Variants in DGKI observed in about 807,000 individuals in gnomAD.
DGKI encodes DAG kinase iota.
Under a neutral mutation model 147.5 loss-of-function variants are expected in DGKI, and 55 were observed. The observed-to-expected ratio is 0.37, with a 90% CI of 0.30 to 0.47. The LOEUF is 0.47. Ranked by LOEUF, DGKI falls within the 20% of genes least tolerant of loss-of-function variation. DGKI has a pLI of 1.00. For missense variants in DGKI, 1,007 were observed against 1,323.8 expected, an observed-to-expected ratio of 0.76 and a Z score of 3.71; for synonymous variants, 469 against 477.1, an observed-to-expected ratio of 0.98 and a Z score of 0.22.
Position 137,385,264 on chromosome 7 carries a change from G to A in DGKI, c.*5956C>T, listed in dbSNP as rs938650472. 2 of 151,878 alleles carry A rather than the reference G, an allele frequency of 1.3e-5. No homozygotes were observed. Among genetic ancestry groups the A allele is most frequent in the Non-Finnish European group, 2.9e-5 (2 of 67,944 alleles). The allele number at this position is 151,878 out of a possible 1,614,324, so 9.4% of individuals were successfully genotyped here. ...ATGCTTAGTTTAAAATTTTTTAAAT[G>A]ATAACTAACGGCCATTCCCCTAGAT... On this transcript the variant is annotated 3_prime_UTR_variant, in exon 33 of 33. Transcript: ENST00000614521.
At chr7:137,698,115 T>TATATAG (rs569627373) in intron 1 of DGKI, among the ~76,000 whole-genome samples, 3 of 123,396 alleles carry the variant, frequency 2.4e-5, no homozygotes, top group Admixed American at 7.2e-5. Context: ...ACTCCAGATA[T>TATATAG]ATATAGATAT....
intron 1 of DGKI, among the ~76,000 whole-genome samples, chr7:137,819,131 T>C (rs1797820957): frequency 6.6e-6 from 1 of 152,132 alleles, no homozygotes; most frequent in Admixed American, 6.5e-5. Flanking sequence ...CCAGCTTAAC[T>C]GGGAACCTGG....
intron 1 of DGKI, among the ~76,000 whole-genome samples, chr7:137,830,460 C>A (rs189806021): frequency 6.6e-6 from 1 of 152,314 alleles, no homozygotes; most frequent in East Asian, 1.9e-4. Flanking sequence ...GACTTGAAAC[C>A]TGTTTCTAAT....
chr7:137,720,035 C>T (rs10234581), intron 1 of DGKI, among the ~76,000 whole-genome samples: 77,673 of 151,840 alleles, frequency 0.51, 23,992 homozygotes, highest in African/African-American at 0.87. Flanking sequence ...ATTCTGGTCC[C>T]GCCTCACTGT....
At position 137,728,129 on chromosome 7, in the gene DGKI, A is replaced by G. The variant is rs536310994; in HGVS notation, c.402-38127T>C. Among the ~76,000 whole-genome samples, 4 of 152,340 alleles carry G rather than the reference A, an allele frequency of 2.6e-5. 1 individual carries two copies. Among genetic ancestry groups the G allele is most frequent in the African/African-American group, 9.6e-5 (4 of 41,580 alleles). ...TTTCTGCAGAATGTCTGGTCAATAA[A>G]TATGTTTTTAATTTGGTGTTTCTTT... On this transcript the variant is annotated intron_variant, in intron 1 of 32. Transcript: ENST00000614521.
At chr7:137,683,748 T>C (rs1311034316) in intron 2 of DGKI, among the ~76,000 whole-genome samples, 1 of 152,238 alleles carries the variant, frequency 6.6e-6, no homozygotes, top group African/African-American at 2.4e-5. Context: ...ATAGCACTTC[T>C]TCTGTACTTG....
chr7:137,796,731 A>G (rs1057370124), intron 1 of DGKI, among the ~76,000 whole-genome samples: 1 of 152,166 alleles, frequency 6.6e-6, no homozygotes. Flanking sequence ...AGAATTAACA[A>G]ACTTGGAAAT....
intron 1 of DGKI, among the ~76,000 whole-genome samples, chr7:137,782,573 C>G (rs1254463979): frequency 6.6e-6 from 1 of 152,184 alleles, no homozygotes; most frequent in Non-Finnish European, 1.5e-5. Flanking sequence ...CCGTCCACCA[C>G]CTGAGAAACC....
intron 19 of DGKI, 78 bp downstream of exon 19, chr7:137,571,097 T>G (rs1818778597): frequency 1.9e-6 from 2 of 1,064,716 alleles, no homozygotes; most frequent in African/African-American, 1.7e-5. Context: ...GGAGAAAAAG[T>G]TAACTAAAGT....
chr7:137,590,587 A>T (rs1487474193), intron 12 of DGKI, among the ~76,000 whole-genome samples: 2 of 152,368 alleles, frequency 1.3e-5, no homozygotes, highest in East Asian at 3.9e-4. Flanking sequence ...ATACTAAAAC[A>T]GATGGAACGT....
rs540957110 is a variant in DGKI at position 137,635,529 on chromosome 7, TC to T, written c.804+9942del. ...AAATGTGTGACCCACGAACATAGGA[TC>T]CTGCACAACATTGTGTCAGACCAGG... On this transcript the variant is annotated intron_variant, in intron 6 of 32. Transcript: ENST00000614521. 6.6e-5 allele frequency among the ~76,000 whole-genome samples: 10 copies of T among 152,278 alleles called. No individual in the cohort carries two copies. In the South Asian group the frequency reaches 2.1e-3, roughly 32 times the overall value.
In DGKI at chr7:137,383,228, T is replaced by C. The variant is rs957187501; in HGVS notation, c.*7992A>G. The stretch of plus-strand genomic sequence containing the variant: ...GGGAATTGGCTAACAATTGGCAAAA[T>C]TGCTAGCCAATTTCCAAATCTCCTA... On this transcript the variant is annotated 3_prime_UTR_variant, in exon 33 of 33. Transcript: ENST00000614521. 2.6e-5 allele frequency: 4 copies of C among 151,012 alleles called. No homozygotes were observed. Among genetic ancestry groups the C allele is most frequent in the Non-Finnish European group, 5.9e-5 (4 of 67,688 alleles). The allele number at this position is 151,012 out of a possible 1,614,324, so 9.4% of individuals were successfully genotyped here.
chr7:137,518,876 A>T (rs1816868627), intron 21 of DGKI, among the ~76,000 whole-genome samples: 1 of 152,022 alleles, frequency 6.6e-6, no homozygotes. Flanking sequence ...TTAAGGACCC[A>T]CTTGTATACT....
At position 137,391,322 on chromosome 7, in the gene DGKI, T is replaced by C. The variant is rs778331191; in HGVS notation, c.3072A>G (p.Gln1024=). The C allele has an allele frequency of 6.2e-7, 1 of 1,608,512 alleles. No homozygotes were observed. The highest frequency in any genetic ancestry group is 1.1e-5 in the South Asian group (1 of 90,386). The change falls in exon 33 of 33, where the codon CAA becomes CAG. Residue 1024 remains glutamine, a synonymous_variant. Transcript: ENST00000614521. ...GGTCCCCAGCCTGCTGTGCTCTTTC[T>C]TGAGGTGTCTTACCCTATACGAAAA... is the stretch of plus-strand genomic sequence containing the variant. ...RKTDSKGKTP[Q]ERAQQAGDPD...
In DGKI at chr7:137,571,167, T is replaced by C; in HGVS notation, c.1947+8A>G. On this transcript the variant is annotated splice_region_variant and intron_variant, in intron 19 of 32. Transcript: ENST00000614521. ...ATTTCATTTTAATAAAACAGTTATA[T>C]TGCTCACCAAAGAGGCCATGGTAAA... 6.3e-7 allele frequency: 1 copy of C among 1,579,064 alleles called. No homozygotes were observed. Among genetic ancestry groups the C allele is most frequent in the Non-Finnish European group, 8.6e-7 (1 of 1,161,402 alleles).
intron 25 of DGKI, 49 bp downstream of exon 25, chr7:137,466,853 T>G (rs749328568): frequency 6.3e-7 from 1 of 1,595,964 alleles, no homozygotes; most frequent in Admixed American, 1.7e-5. Context: ...ATAAAGCACA[T>G]TAACTTGGGA....
chr7:137,404,290 G>A (rs985145978), intron 30 of DGKI, among the ~76,000 whole-genome samples: 1 of 152,158 alleles, frequency 6.6e-6, no homozygotes, highest in African/African-American at 2.4e-5. Flanking sequence ...AGCTCTTGTG[G>A]AATGAGGTGA....
At chr7:137,524,901 A>G (rs1421011326) in intron 20 of DGKI, among the ~76,000 whole-genome samples, 1 of 151,812 alleles carries the variant, frequency 6.6e-6, no homozygotes, top group Non-Finnish European at 1.5e-5. Context: ...CAGTTCCTGG[A>G]CTCCCCTTCC....
At chr7:137,470,986 C>T (rs945150153) in intron 23 of DGKI, among the ~76,000 whole-genome samples, 8 of 152,108 alleles carry the variant, frequency 5.3e-5, no homozygotes, top group South Asian at 2.1e-4. Flanking sequence ...GCTACATCCA[C>T]GAAACAGAAG....
Sources: allele counts gnomAD v4.1 joint callset (sites outside exome capture counted in the v4.1 genomes callset), GRCh38; gene constraint gnomAD v4.1.1; transcripts MANE v1.5; gene names NCBI Gene and HGNC (gene_info 2026-07-23, HGNC 2026-07-21).